DPP8: variants seen among roughly 807,000 people sequenced by gnomAD.
DPP8 encodes the protein DPP VIII.
In DPP8, 31 loss-of-function variants were observed where a neutral mutation model predicts 107.5. The ratio of observed to expected loss-of-function variants is 0.29; its 90% CI spans 0.22 to 0.39. DPP8 has a LOEUF of 0.39. Ranked by LOEUF, DPP8 falls within the 10% of genes least tolerant of loss-of-function variation. The pLI is 1.00. For synonymous variants in DPP8, 381 were observed against 356.6 expected, an observed-to-expected ratio of 1.07 and a Z score of -0.77; for missense variants, 842 against 1,076.1, an observed-to-expected ratio of 0.78 and a Z score of 3.04.
At chr15:65,497,770 A>G in intron 5 of DPP8, 94 bp downstream of exon 5, 1 of 992,920 alleles carries the variant, frequency 1.0e-6, no homozygotes, top group Non-Finnish European at 1.4e-6. Flanking sequence ...TATAAAGATC[A>G]CCCAACGTGG....
At position 65,511,511 on chromosome 15, in the gene DPP8, C is replaced by T. The variant is rs142043559; in HGVS notation, c.259+784G>A. On this transcript the variant is annotated intron_variant, in intron 2 of 19. Coordinates refer to ENST00000300141, the MANE Select transcript of DPP8 (RefSeq NM_130434.5). ...AAAAAACAAAACAACAAAACATTAG[C>T]TGGCTGTGGTGGCGTGCACCTGTAG... Among the ~76,000 whole-genome samples, 303 of 151,782 alleles carry T rather than the reference C, an allele frequency of 2.0e-3. 1 individual carries two copies. Among genetic ancestry groups the T allele is most frequent in the African/African-American group, 7.0e-3 (290 of 41,400 alleles).
intron 5 of DPP8, among the ~76,000 whole-genome samples, chr15:65,493,287 G>C (rs1419329658): frequency 6.6e-6 from 1 of 151,932 alleles, no homozygotes; most frequent in East Asian, 1.9e-4. Context: ...TCTCCATGTT[G>C]GTCAGGCTGG....
intron 11 of DPP8, among the ~76,000 whole-genome samples, chr15:65,478,017 CTAGGCTTAT>C (rs949838461): frequency 6.6e-6 from 1 of 152,066 alleles, no homozygotes; most frequent in Non-Finnish European, 1.5e-5. Context: ...TTTACTTTTC[CTAGGCTTAT>C]GCATCCATTC....
At chr15:65,470,215 A>G (rs2065747906) in intron 12 of DPP8, among the ~76,000 whole-genome samples, 1 of 151,038 alleles carries the variant, frequency 6.6e-6, no homozygotes, top group African/African-American at 2.4e-5. Flanking sequence ...AAAAAAAAAA[A>G]AAAAAGAAAG....
At chr15:65,497,121 C>T (rs1045175307) in intron 5 of DPP8, among the ~76,000 whole-genome samples, 1 of 152,142 alleles carries the variant, frequency 6.6e-6, no homozygotes, top group Non-Finnish European at 1.5e-5. Context: ...AACTCCTGAC[C>T]TCAGGTGATC....
rs547922515 is a variant in DPP8, at chr15:65,497,959, G to A, written c.620C>T (p.Ala207Val). The change falls in exon 5 of 20, where the codon GCT (alanine) becomes GTT (valine). Residue 207 changes from alanine to valine, a missense_variant. Coordinates refer to ENST00000300141, the MANE Select transcript of DPP8 (RefSeq NM_130434.5). ...TATAAAAGCAATCCAGTCTGGATCAGCAGGGCATAATTTTGGATCCATCCG... is the reference window on the plus strand; with the variant it reads ...TATAAAAGCAATCCAGTCTGGATCAACAGGGCATAATTTTGGATCCATCCG... The part of the protein sequence containing the change: ...NIRMDPKLCP[A>V]DPDWIAFIHS... 5 of 1,611,834 alleles carry A rather than the reference G, an allele frequency of 3.1e-6. No homozygotes were observed. In the South Asian group the frequency reaches 5.5e-5, roughly 18 times the overall value.
intron 5 of DPP8, among the ~76,000 whole-genome samples, chr15:65,492,488 T>A (rs1276399538): frequency 6.6e-6 from 1 of 152,192 alleles, no homozygotes; most frequent in African/African-American, 2.4e-5. Context: ...TTCTATTATT[T>A]TATATTATTA....
intron 15 of DPP8, chr15:65,459,383 G>T (rs1401910970): frequency 6.6e-6 from 1 of 151,874 alleles, no homozygotes; most frequent in Non-Finnish European, 1.5e-5. Flanking sequence ...TCCCTATCTG[G>T]TCTCGAACTC....
rs1251159108 is a variant in DPP8, at chr15:65,446,966, G to T, written c.2567C>A (p.Ser856Ter). ...AAGATGCAGTTCATAATGTTCTCCC[G>T]ATTCAGGAACTCTTATGCTGTGTCT... ...QERHSIRVPE[S>*]GEHYELHLLH... The change falls in exon 20 of 20, where the codon TCG becomes TAG. Residue 856 changes from serine (S) to a stop codon, truncating the protein, a stop_gained. Coordinates refer to ENST00000300141, the MANE Select transcript of DPP8 (RefSeq NM_130434.5). LOFTEE classifies it high-confidence loss of function. The T allele has an allele frequency of 6.2e-7, 1 of 1,610,624 alleles. No homozygotes were observed. Among genetic ancestry groups the T allele is most frequent in the Non-Finnish European group, 8.5e-7 (1 of 1,178,322 alleles).
At chr15:65,506,515 G>A (rs377730106) in intron 3 of DPP8, among the ~76,000 whole-genome samples, 4 of 151,852 alleles carry the variant, frequency 2.6e-5, no homozygotes, top group Non-Finnish European at 4.4e-5. Context: ...GTGGGAAGCC[G>A]AGGCAGGCAG....
chr15:65,516,489 T>C (rs987417103), intron 1 of DPP8: 1 of 151,958 alleles, frequency 6.6e-6, no homozygotes, highest in African/African-American at 2.4e-5. Context: ...AGTTTTAATT[T>C]TGGGCTCCCA....
rs1352483326 is a variant in DPP8 at position 65,512,466 on chromosome 15, G to C, written c.88C>G (p.Pro30Ala). ...CEENIESQDRPKLEPFYVERY... is the reference protein window; with the variant it reads ...CEENIESQDRAKLEPFYVERY... ...TCAACATAAAAAGGCTCCAATTTAG[G>C]CCGATCCTGTGATTCAATATTCTCC... The change falls in exon 2 of 20, where the codon CCT becomes GCT. Residue 30 changes from proline to alanine, a missense_variant. By Grantham distance (27) the Pro-to-Ala change is conservative. Around this residue, in one of 2 missense-constraint regions of DPP8, gnomAD observed 663 missense variants for 758.0 expected, o/e 0.87. Coordinates refer to ENST00000300141, the MANE Select transcript of DPP8 (RefSeq NM_130434.5). The C allele has an allele frequency of 6.2e-7, 1 of 1,614,084 alleles. No individual in the cohort carries two copies. Among genetic ancestry groups the C allele is most frequent in the Non-Finnish European group, 8.5e-7 (1 of 1,180,024 alleles).
At chr15:65,490,642 A>G (rs1008010703) in intron 5 of DPP8, among the ~76,000 whole-genome samples, 2 of 152,206 alleles carry the variant, frequency 1.3e-5, no homozygotes, top group East Asian at 1.9e-4. Context: ...ATCATGGAAA[A>G]AAGATTACAA....
chr15:65,476,925 G>A (rs62015042), intron 11 of DPP8, among the ~76,000 whole-genome samples: 6 of 152,136 alleles, frequency 3.9e-5, no homozygotes, highest in Non-Finnish European at 7.3e-5. Context: ...ATTATGCTAC[G>A]TAAACAAGCC....
intron 9 of DPP8, 68 bp downstream of exon 9, chr15:65,481,447 T>C: frequency 1.8e-6 from 2 of 1,113,982 alleles, no homozygotes; most frequent in Non-Finnish European, 2.6e-6. Flanking sequence ...GCAAACCTAA[T>C]AGCACAAATA....
At chr15:65,456,047 G>A (rs899716595) in intron 16 of DPP8, among the ~76,000 whole-genome samples, 178 bp downstream of exon 16, 11 of 152,108 alleles carry the variant, frequency 7.2e-5, no homozygotes, top group East Asian at 1.9e-4. Context: ...CCAAAGTTAC[G>A]TATAAGTAGG....
intron 15 of DPP8, among the ~76,000 whole-genome samples, chr15:65,457,360 A>C (rs975218847): frequency 6.6e-6 from 1 of 152,078 alleles, no homozygotes; most frequent in African/African-American, 2.4e-5. Context: ...TGTCTCAAAA[A>C]ACAAACAAAA....
intron 4 of DPP8, among the ~76,000 whole-genome samples, chr15:65,499,415 G>A (rs1282559715): frequency 6.6e-6 from 1 of 151,914 alleles, no homozygotes; most frequent in Non-Finnish European, 1.5e-5. Context: ...TAGAGACAGG[G>A]TTTCACCATG....
intron 5 of DPP8, among the ~76,000 whole-genome samples, chr15:65,495,708 G>C (rs1193730226): frequency 6.6e-6 from 1 of 151,800 alleles, no homozygotes; most frequent in African/African-American, 2.4e-5. Flanking sequence ...AGAACACCCT[G>C]GCCAACATGG....
Sources: allele counts gnomAD v4.1 joint callset (sites outside exome capture counted in the v4.1 genomes callset), GRCh38; gene constraint gnomAD v4.1.1; regional missense constraint gnomAD v4.1.1; transcripts MANE v1.5; gene names NCBI Gene and HGNC (gene_info 2026-07-23, HGNC 2026-07-21).